NEDD4L: variants seen among roughly 807,000 people sequenced by gnomAD.
The protein encoded by NEDD4L is NEDD4 like E3 ubiquitin protein ligase.
NEDD4L carries 54 observed loss-of-function variants against 148.9 expected under a neutral mutation model. The ratio of observed to expected loss-of-function variants is 0.36; its 90% confidence interval spans 0.29 to 0.45. The LOEUF is 0.45. Among genes scored for constraint, NEDD4L ranks in the 20% least tolerant of loss-of-function variants. The pLI, the probability that NEDD4L is intolerant of heterozygous loss-of-function variation, is 1.00. For synonymous variants in NEDD4L, 433 were observed against 440.7 expected (o/e 0.98, Z 0.22); for missense variants, 856 against 1,233.8 (o/e 0.69, Z 4.59).
chr18:58,259,710 C>T (rs1409612028), intron 5 of NEDD4L, among the ~76,000 whole-genome samples: 5 of 152,080 alleles, frequency 3.3e-5, no homozygotes, highest in African/African-American at 1.2e-4. Flanking sequence ...GTAATGTAAA[C>T]GGAGGGAGGA....
chr18:58,350,499 T>C (rs952232646), intron 17 of NEDD4L, among the ~76,000 whole-genome samples: 1 of 152,218 alleles, frequency 6.6e-6, no homozygotes, highest in Non-Finnish European at 1.5e-5. Flanking sequence ...ACCAGCTTTA[T>C]CTTGAAAAAA....
chr18:58,400,326 C>A lies in NEDD4L; in HGVS notation c.*4057C>A, dbSNP rs1391985534. On this transcript the variant is annotated 3_prime_UTR_variant, in exon 31 of 31. Transcript: ENST00000400345. ...AGGACTGAGATGTGTTTTTAAAAAA[C>A]AAATCCTTATAAACTCCACTTTGTA... The A allele has an allele frequency of 1.3e-5, 2 of 152,182 alleles. No individual in the cohort carries two copies. Among genetic ancestry groups the A allele is most frequent in the African/African-American group, 4.8e-5 (2 of 41,448 alleles). The allele number at this position is 152,182 out of a possible 1,614,324, so 9.4% of individuals were successfully genotyped here.
At chr18:58,137,486 G>GC (rs1469908099) in intron 1 of NEDD4L, among the ~76,000 whole-genome samples, 1 of 152,158 alleles carries the variant, frequency 6.6e-6, no homozygotes, top group Non-Finnish European at 1.5e-5. Context: ...GCTGGGAAAG[G>GC]CCATAAGGAT....
At chr18:58,294,712 G>A (rs555403563) in intron 5 of NEDD4L, among the ~76,000 whole-genome samples, 1 of 151,626 alleles carries the variant, frequency 6.6e-6, no homozygotes, top group East Asian at 1.9e-4. Context: ...AGAGACAGGG[G>A]TCTTGCTATG....
At chr18:58,374,859 G>A (rs543426389) in intron 24 of NEDD4L, among the ~76,000 whole-genome samples, 1 of 152,092 alleles carries the variant, frequency 6.6e-6, no homozygotes, top group African/African-American at 2.4e-5. Context: ...TTGCTATCTG[G>A]ATTTCCTCAT....
intron 16 of NEDD4L, among the ~76,000 whole-genome samples, chr18:58,347,293 A>G (rs962805262): frequency 2.2e-5 from 3 of 136,228 alleles, no homozygotes; most frequent in African/African-American, 8.4e-5. Context: ...TGTGATTCCA[A>G]GGTCAGGCTG....
intron 1 of NEDD4L, among the ~76,000 whole-genome samples, chr18:58,123,256 G>T (rs1043367962): frequency 6.6e-6 from 1 of 152,162 alleles, no homozygotes; most frequent in African/African-American, 2.4e-5. Flanking sequence ...TTCTGGTCCA[G>T]CTGCCTTTCT....
intron 5 of NEDD4L, among the ~76,000 whole-genome samples, chr18:58,309,180 TC>T (rs936509536): frequency 1.3e-5 from 2 of 151,678 alleles, no homozygotes; most frequent in South Asian, 2.1e-4. Flanking sequence ...TCAGTTTCCC[TC>T]CCCCCCACTG....
intron 5 of NEDD4L, among the ~76,000 whole-genome samples, chr18:58,311,060 C>A (rs1053311426): frequency 8.6e-5 from 13 of 151,892 alleles, no homozygotes; most frequent in African/African-American, 2.7e-4. Flanking sequence ...AGGATGGAAC[C>A]CCAGACAGTT....
intron 11 of NEDD4L, among the ~76,000 whole-genome samples, chr18:58,331,254 A>G (rs968225552): frequency 2.6e-5 from 4 of 152,232 alleles, no homozygotes; most frequent in Admixed American, 2.6e-4. Context: ...GGCTCATGAA[A>G]ATAGTACCTT....
chr18:58,376,289 C>T (rs934360975), intron 24 of NEDD4L, among the ~76,000 whole-genome samples: 1 of 152,074 alleles, frequency 6.6e-6, no homozygotes, highest in Non-Finnish European at 1.5e-5. Context: ...CTCAGACCTC[C>T]TCGTTTAATG....
At chr18:58,237,732 A>G (rs1028038198) in intron 2 of NEDD4L, among the ~76,000 whole-genome samples, 5 of 152,228 alleles carry the variant, frequency 3.3e-5, no homozygotes, top group African/African-American at 1.2e-4. Flanking sequence ...CTCTATGTAG[A>G]TGCCTATATA....
chr18:58,265,132 A>C (rs1228891556), intron 5 of NEDD4L, among the ~76,000 whole-genome samples: 1 of 152,058 alleles, frequency 6.6e-6, no homozygotes, highest in Non-Finnish European at 1.5e-5. Flanking sequence ...CTAGATGCTG[A>C]AAAGTGACCA....
At chr18:58,304,345 A>G (rs1012367178) in intron 5 of NEDD4L, among the ~76,000 whole-genome samples, 4 of 144,000 alleles carry the variant, frequency 2.8e-5, no homozygotes, top group Non-Finnish European at 4.6e-5. Context: ...CCCTGTCTCT[A>G]CAAAAAAAAA....
At chr18:58,310,095 T>G (rs766882984) in intron 5 of NEDD4L, among the ~76,000 whole-genome samples, 7 of 152,324 alleles carry the variant, frequency 4.6e-5, no homozygotes, top group Non-Finnish European at 8.8e-5. Flanking sequence ...TTTTTAAACT[T>G]CAGTAATAAG....
At chr18:58,223,802 T>C (rs1253159608) in intron 2 of NEDD4L, among the ~76,000 whole-genome samples, 4 of 152,208 alleles carry the variant, frequency 2.6e-5, no homozygotes, top group Admixed American at 2.0e-4. Context: ...TTCAGGGCAA[T>C]GGCAGAAGCA....
intron 2 of NEDD4L, among the ~76,000 whole-genome samples, chr18:58,225,877 A>G (rs2044294142): frequency 6.6e-6 from 1 of 152,178 alleles, no homozygotes. Flanking sequence ...GGCCATCACA[A>G]TTACATGGGT....
chr18:58,280,479 C>A (rs139845272), intron 5 of NEDD4L, among the ~76,000 whole-genome samples: 26 of 152,124 alleles, frequency 1.7e-4, no homozygotes, highest in Non-Finnish European at 3.2e-4. Context: ...GCAGACCGGG[C>A]GAGGCTGGGT....
intron 13 of NEDD4L, among the ~76,000 whole-genome samples, chr18:58,337,437 G>A (rs927062513): frequency 7.9e-5 from 12 of 152,080 alleles, no homozygotes; most frequent in Non-Finnish European, 1.0e-4. Flanking sequence ...CATCCCCTCT[G>A]TTCCTCTGCA....
Sources: allele counts gnomAD v4.1 joint callset (sites outside exome capture counted in the v4.1 genomes callset), GRCh38; gene constraint gnomAD v4.1.1; transcripts MANE v1.5; gene names NCBI Gene and HGNC (gene_info 2026-07-23, HGNC 2026-07-21).